Variants in USP14 observed in about 807,000 individuals in gnomAD.
USP14 encodes the protein ubiquitin specific peptidase 14, also known as ubiquitin carboxyl-terminal hydrolase 14.
Under a neutral mutation model 76.5 loss-of-function variants are expected in USP14, and 38 were observed. The observed-to-expected ratio is 0.50, with a 90% CI of 0.38 to 0.65. The LOEUF is 0.65. USP14 is among the 30% of genes least tolerant of loss of function. USP14 has a pLI of 0.00. For missense variants in USP14, 467 were observed against 586.5 expected (o/e 0.80, Z 2.10); for synonymous variants, 192 against 191.7 (o/e 1.00, Z -0.01).
chr18:165,762 T>C (rs1278726368), intron 2 of USP14, among the ~76,000 whole-genome samples: 1 of 152,206 alleles, frequency 6.6e-6, no homozygotes, highest in Non-Finnish European at 1.5e-5. Context: ...GGGGCATTTA[T>C]AGTTATCATT....
rs16953056 is a variant in USP14 at position 210,306 on chromosome 18, A to G, written c.1226-80A>G. ...ATAATACTTTCGTAATGTGAACTTT[A>G]GAGTTATTCTTGTTACTTAGCTTGA... On this transcript the variant is annotated intron_variant, in intron 14 of 15. Transcript: ENST00000261601. The G allele has an allele frequency of 0.028, 28,607 of 1,038,328 alleles. 3,327 individuals are homozygous for G. The East Asian group carries it at 0.36, about 13-fold the overall frequency. The allele number at this position is 1,038,328 out of a possible 1,614,324, so 64.3% of individuals were successfully genotyped here.
intron 4 of USP14, among the ~76,000 whole-genome samples, chr18:179,241 T>G (rs1156825834): frequency 6.6e-6 from 1 of 151,080 alleles, no homozygotes; most frequent in Non-Finnish European, 1.5e-5. Flanking sequence ...CAGCTAGGGG[T>G]TTTTTTTTGT....
intron 10 of USP14, among the ~76,000 whole-genome samples, chr18:201,160 C>A (rs1910375198): frequency 1.3e-5 from 2 of 152,178 alleles, no homozygotes; most frequent in Non-Finnish European, 2.9e-5. Flanking sequence ...AAAATAAATG[C>A]ATGAATAAAA....
intron 3 of USP14, among the ~76,000 whole-genome samples, chr18:177,680 T>C (rs1157684785): frequency 2.0e-5 from 3 of 151,738 alleles, no homozygotes; most frequent in Admixed American, 1.3e-4. Context: ...CCTTTTACTT[T>C]GTCTCATGTG....
chr18:210,047 A>G lies in USP14; in HGVS notation c.1225+16A>G. ...TTTGCTGATGGTAAGTAACATTCTCATTTTAATTGAGTTATTGTATGTGGG... is the reference window on the plus strand; with the variant it reads ...TTTGCTGATGGTAAGTAACATTCTCGTTTTAATTGAGTTATTGTATGTGGG... On this transcript the variant is annotated intron_variant, in intron 14 of 15. Coordinates refer to ENST00000261601, the MANE Select transcript of USP14 (RefSeq NM_005151.4). 1 of 1,582,472 alleles carries G rather than the reference A, an allele frequency of 6.3e-7. No homozygotes were observed. Among genetic ancestry groups the G allele is most frequent in the Non-Finnish European group, 8.6e-7 (1 of 1,161,552 alleles).
At chr18:207,269 TCTTTTTGAAAGTTATTTTAGCTATTCTG>T (rs1468846086) in intron 13 of USP14, among the ~76,000 whole-genome samples, 1 of 145,388 alleles carries the variant, frequency 6.9e-6, no homozygotes, top group East Asian at 1.9e-4. Context: ...CTTTTGTTCT[TCTTTTTGAAAGTTATTTTAGCTATTCTG>T]AGTCCCTTGC....
At chr18:203,042 T>A in intron 11 of USP14, 56 bp from the exon 12 acceptor site, 3 of 1,605,036 alleles carry the variant, frequency 1.9e-6, no homozygotes, top group Non-Finnish European at 2.6e-6. Flanking sequence ...ACCAAATAAT[T>A]AAAACTTGTA....
chr18:173,298 A>T (rs1178485045), intron 3 of USP14, among the ~76,000 whole-genome samples: 1 of 150,048 alleles, frequency 6.7e-6, no homozygotes, highest in Non-Finnish European at 1.5e-5. Context: ...TTTTTAGTAG[A>T]GACGGGGTTT....
chr18:167,134 AGCTACTCG>A (rs1477414856), intron 3 of USP14, among the ~76,000 whole-genome samples: 1 of 152,174 alleles, frequency 6.6e-6, no homozygotes, highest in East Asian at 1.9e-4. Context: ...CTGTAATCCT[AGCTACTCG>A]GGAGGCTGAG....
Position 212,504 on chromosome 18 carries a change from TGAG to T in USP14, c.*1222_*1224del, listed in dbSNP as rs201094792. On this transcript the variant is annotated 3_prime_UTR_variant, in exon 16 of 16. Coordinates refer to ENST00000261601, the MANE Select transcript of USP14 (RefSeq NM_005151.4). ...CTGTGATCCCAGCTACTTGGGAGGC[TGAG>T]GTGGGAGAATTGCTTGAACCTGGAA... 0.017 allele frequency: 2,582 copies of T among 152,402 alleles called. 76 individuals carry two copies. The highest frequency in any genetic ancestry group is 0.057 in the African/African-American group (2,381 of 41,488). 9.4% of individuals were successfully genotyped at this position (152,402 alleles called of 1,614,324 possible). A position where few individuals can be genotyped will look rare whatever the true frequency, so the allele number is the denominator to read the frequency against.
intron 3 of USP14, among the ~76,000 whole-genome samples, chr18:176,517 T>G (rs1389913771): frequency 4.6e-5 from 7 of 152,120 alleles, no homozygotes; most frequent in Non-Finnish European, 1.0e-4. Flanking sequence ...ATTTTAAGCC[T>G]TTTTTTAAAT....
chr18:202,848 A>G (rs770269361), intron 10 of USP14, 32 bp from the exon 11 acceptor site: 2 of 1,610,674 alleles, frequency 1.2e-6, no homozygotes, highest in South Asian at 2.2e-5. Context: ...TTTTAAAACT[A>G]ATGTTTGGTC....
chr18:211,270 G>A lies in USP14; in HGVS notation c.1471G>A (p.Glu491Lys). Residue 491 changes from glutamate to lysine, a missense_variant, in exon 16 of 16, where the codon GAA becomes AAA. By Grantham distance (56) the Glu-to-Lys change is moderately conservative. Coordinates refer to ENST00000261601, the MANE Select transcript of USP14 (RefSeq NM_005151.4). ...GPRRVEIMEEESEQ is the reference protein window; with the variant it reads ...GPRRVEIMEEKSEQ ...TCGCAGAGTTGAAATAATGGAAGAG[G>A]AAAGTGAACAGTAATCTTCATTTTA... is the stretch of plus-strand genomic sequence containing the variant. 6.2e-7 allele frequency: 1 copy of A among 1,608,898 alleles called. No individual in the cohort carries two copies.
chr18:175,034 A>G (rs1337972261), intron 3 of USP14, among the ~76,000 whole-genome samples: 4 of 152,032 alleles, frequency 2.6e-5, no homozygotes, highest in Non-Finnish European at 5.9e-5. Flanking sequence ...TGAGCTCCCA[A>G]AGTGCTGGGA....
chr18:167,924 A>G (rs1247258097), intron 3 of USP14, among the ~76,000 whole-genome samples: 2 of 135,142 alleles, frequency 1.5e-5, no homozygotes, highest in Non-Finnish European at 3.2e-5. Context: ...AATACAATTG[A>G]TTTTTCTCTC....
chr18:197,915 A>T, intron 8 of USP14, 132 bp from the exon 9 acceptor site: 1 of 810,892 alleles, frequency 1.2e-6, no homozygotes, highest in Non-Finnish European at 1.9e-6. Context: ...GATTTTTGGT[A>T]ATGTTTTTTG....
chr18:190,039 G>A (rs1910043797), intron 5 of USP14, among the ~76,000 whole-genome samples: 1 of 152,100 alleles, frequency 6.6e-6, no homozygotes, highest in African/African-American at 2.4e-5. Flanking sequence ...TACAAATTGG[G>A]CCCATTTGTC....
chr18:191,254 G>A (rs1598274294), intron 5 of USP14, among the ~76,000 whole-genome samples: 1 of 152,176 alleles, frequency 6.6e-6, no homozygotes, highest in African/African-American at 2.4e-5. Context: ...GAATTATTGT[G>A]TATTGAAAAA....
intron 6 of USP14, among the ~76,000 whole-genome samples, chr18:193,915 C>A (rs1203524766): frequency 6.6e-6 from 1 of 152,168 alleles, no homozygotes; most frequent in African/African-American, 2.4e-5. Flanking sequence ...TTGGTGTGGA[C>A]AAATGCTTTC....
Sources: gnomAD v4.1 joint callset for allele counts (sites outside exome capture counted in the v4.1 genomes callset) on GRCh38, gnomAD v4.1.1 for gene constraint, MANE v1.5 for transcripts, NCBI Gene and HGNC (gene_info 2026-07-23, HGNC 2026-07-21) for gene names.